The following GHR variants were observed in gnomAD, a reference collection of about 807,000 sequenced individuals.
The protein encoded by GHR is growth hormone receptor.
Under a neutral mutation model 67.1 loss-of-function variants are expected in GHR, and 35 were observed. The ratio of observed to expected loss-of-function variants is 0.52; its 90% CI spans 0.40 to 0.69. GHR has a LOEUF of 0.69. GHR is among the 30% of genes least tolerant of loss of function. GHR has a pLI of 0.00. For missense variants in GHR, 792 were observed against 764.6 expected, an observed-to-expected ratio of 1.04 and a Z score of -0.42; for synonymous variants, 272 against 269.1, an observed-to-expected ratio of 1.01 and a Z score of -0.10.
chr5:42,691,866 T>C (rs1757437669), intron 4 of GHR, among the ~76,000 whole-genome samples: 1 of 152,238 alleles, frequency 6.6e-6, no homozygotes, highest in Non-Finnish European at 1.5e-5. Context: ...GCCTCTGAGC[T>C]TGCAGGGGAC....
At chr5:42,537,854 T>C (rs1000747357) in intron 1 of GHR, among the ~76,000 whole-genome samples, 4 of 152,212 alleles carry the variant, frequency 2.6e-5, no homozygotes, top group Admixed American at 6.5e-5. Context: ...TAGGCGCATA[T>C]ATGTTTAGGA....
At chr5:42,455,193 G>T (rs879744708) in intron 1 of GHR, among the ~76,000 whole-genome samples, 8 of 152,114 alleles carry the variant, frequency 5.3e-5, no homozygotes, top group Non-Finnish European at 1.2e-4. Flanking sequence ...GTGTTTGGAG[G>T]CAGGTTTTCC....
chr5:42,710,203 T>C (rs1043272106), intron 6 of GHR, among the ~76,000 whole-genome samples: 2 of 152,160 alleles, frequency 1.3e-5, no homozygotes, highest in Admixed American at 6.5e-5. Flanking sequence ...CAAAAAAAGA[T>C]ACTTTGTGAG....
chr5:42,660,506 G>T (rs1217580036), intron 3 of GHR, among the ~76,000 whole-genome samples: 1 of 152,226 alleles, frequency 6.6e-6, no homozygotes, highest in Non-Finnish European at 1.5e-5. Context: ...AACAGGGTCT[G>T]GAGTGGACCT....
chr5:42,701,028 A>G (rs888866814), intron 6 of GHR, among the ~76,000 whole-genome samples: 14 of 152,212 alleles, frequency 9.2e-5, no homozygotes, highest in African/African-American at 3.1e-4. Flanking sequence ...TGAAATAACT[A>G]CTATGCAGAA....
In GHR at chr5:42,719,740, A is replaced by G; in HGVS notation, c.*316A>G. ...CATTGAATGGCTATGTTTTTAATGT[A>G]TAGTAAATCACGCTTTTTGAAAAAG... On this transcript the variant is annotated 3_prime_UTR_variant, in exon 10 of 10. Coordinates refer to ENST00000230882, the MANE Select transcript of GHR (RefSeq NM_000163.5). 1 of 349,094 alleles carries G rather than the reference A, an allele frequency of 2.9e-6. No homozygotes were observed. The highest frequency in any genetic ancestry group is 5.4e-6 in the Non-Finnish European group (1 of 183,876). The allele number at this position is 349,094 out of a possible 1,614,324, so 21.6% of individuals were successfully genotyped here. A position where few individuals can be genotyped will look rare whatever the true frequency, so the allele number is the denominator to read the frequency against.
chr5:42,449,018 G>A (rs1743937793), intron 1 of GHR, among the ~76,000 whole-genome samples: 1 of 152,154 alleles, frequency 6.6e-6, no homozygotes, highest in South Asian at 2.1e-4. Flanking sequence ...CCAGTGCCAT[G>A]CTGTTTTGGT....
chr5:42,426,080 T>G (rs1256429277), intron 1 of GHR, among the ~76,000 whole-genome samples: 3 of 152,362 alleles, frequency 2.0e-5, no homozygotes, highest in African/African-American at 7.2e-5. Context: ...TTAAAATGGA[T>G]ACTAGAGGCC....
chr5:42,682,568 TTCAGCCACAG>T (rs1756940528), intron 3 of GHR, among the ~76,000 whole-genome samples: 1 of 152,176 alleles, frequency 6.6e-6, no homozygotes. Context: ...GCTGAGTGTC[TTCAGCCACAG>T]CGGCACAATG....
intron 1 of GHR, among the ~76,000 whole-genome samples, chr5:42,525,473 AT>A (rs1242051127): frequency 2.6e-5 from 4 of 152,154 alleles, no homozygotes; most frequent in Non-Finnish European, 4.4e-5. Flanking sequence ...CTTGCTTCTG[AT>A]TTTACAGGCT....
chr5:42,622,868 C>A (rs1173880415), intron 2 of GHR, among the ~76,000 whole-genome samples: 1 of 152,156 alleles, frequency 6.6e-6, no homozygotes, highest in Non-Finnish European at 1.5e-5. Flanking sequence ...TCCACCAACT[C>A]ATTTGCCAAA....
intron 1 of GHR, among the ~76,000 whole-genome samples, chr5:42,516,499 G>C (rs1747244520): frequency 6.6e-6 from 1 of 152,014 alleles, no homozygotes; most frequent in East Asian, 1.9e-4. Flanking sequence ...CATGATTGCT[G>C]AGCTGCTTCT....
intron 2 of GHR, among the ~76,000 whole-genome samples, chr5:42,618,864 C>G (rs1183790898): frequency 6.6e-6 from 1 of 152,010 alleles, no homozygotes; most frequent in Non-Finnish European, 1.5e-5. Context: ...GGGCAAAGGT[C>G]CATTTAAGGG....
chr5:42,474,260 A>G (rs936196830), intron 1 of GHR, among the ~76,000 whole-genome samples: 5 of 125,884 alleles, frequency 4.0e-5, no homozygotes, highest in Non-Finnish European at 8.2e-5. Flanking sequence ...AGACAGACAG[A>G]AAGAAAGAAA....
chr5:42,453,434 G>A (rs7731927), intron 1 of GHR, among the ~76,000 whole-genome samples: 3,359 of 152,278 alleles, frequency 0.022, 124 homozygotes, highest in African/African-American at 0.077. Flanking sequence ...ATGGCGAGCC[G>A]AGGTCACAGC....
intron 2 of GHR, among the ~76,000 whole-genome samples, chr5:42,603,994 C>T (rs1561160463): frequency 1.3e-5 from 2 of 152,208 alleles, no homozygotes; most frequent in South Asian, 4.1e-4. Context: ...GCAAGAGTGG[C>T]TCATGGAACT....
chr5:42,650,751 G>A (rs60152286), intron 3 of GHR, among the ~76,000 whole-genome samples: 3,652 of 152,078 alleles, frequency 0.024, 146 homozygotes, highest in African/African-American at 0.083. Context: ...TGTCTATGAA[G>A]CACATGATTG....
At position 42,492,843 on chromosome 5, in the gene GHR, C is replaced by T. The variant is rs531196622; in HGVS notation, c.-12+68888C>T. ...GTGCATTCAAATTCAAGATAAGACC[C>T]AAAGCTCTGTTGCCAAGGTAAAGGT... On this transcript the variant is annotated intron_variant, in intron 1 of 9. Coordinates refer to ENST00000230882, the MANE Select transcript of GHR (RefSeq NM_000163.5). 1.2e-4 allele frequency among the ~76,000 whole-genome samples: 19 copies of T among 152,192 alleles called. 2 individuals are homozygous for T. The South Asian group carries it at 3.5e-3, about 28-fold the overall frequency.
At chr5:42,565,170 C>T (rs903317268) in intron 1 of GHR, among the ~76,000 whole-genome samples, 3 of 152,168 alleles carry the variant, frequency 2.0e-5, no homozygotes, top group Admixed American at 1.3e-4. Flanking sequence ...AAGCCACAGA[C>T]GCATCCCTCT....
Sources: allele counts gnomAD v4.1 joint callset (sites outside exome capture counted in the v4.1 genomes callset), GRCh38; gene constraint gnomAD v4.1.1; transcripts MANE v1.5; gene names NCBI Gene and HGNC (gene_info 2026-07-23, HGNC 2026-07-21).